CACNA1D: variants seen among roughly 807,000 people sequenced by gnomAD.
CACNA1D encodes the protein voltage-dependent L-type calcium channel subunit alpha-1D.
A neutral mutation model predicts 257.1 loss-of-function variants in CACNA1D; 55 were observed. That is an observed-to-expected ratio of 0.21 (90% confidence interval 0.17 to 0.27). CACNA1D has a LOEUF of 0.27. CACNA1D is among the 10% of genes least tolerant of loss of function. The pLI, the probability that CACNA1D is intolerant of heterozygous loss-of-function variation, is 1.00. For missense variants in CACNA1D, 1,876 were observed against 2,784.0 expected, an observed-to-expected ratio of 0.67 and a Z score of 7.34; for synonymous variants, 980 against 1,014.9, an observed-to-expected ratio of 0.97 and a Z score of 0.65.
At chr3:53,760,216 C>A (rs1310254302) in intron 29 of CACNA1D, among the ~76,000 whole-genome samples, 2 of 152,172 alleles carry the variant, frequency 1.3e-5, no homozygotes, top group East Asian at 3.9e-4. Context: ...CGTAGCTCCC[C>A]CATAAATGCA....
At chr3:53,733,090 C>T (rs1034813234) in intron 19 of CACNA1D, 128 bp downstream of exon 19, 4 of 860,882 alleles carry the variant, frequency 4.6e-6, no homozygotes, top group East Asian at 2.6e-5. Context: ...GTGTCCCTGG[C>T]GCCCTCACCC....
intron 8 of CACNA1D, among the ~76,000 whole-genome samples, chr3:53,695,401 C>T (rs765616430): frequency 3.3e-5 from 5 of 152,154 alleles, no homozygotes; most frequent in Non-Finnish European, 7.3e-5. Flanking sequence ...CTTCATATGG[C>T]AGCCCTTCAG....
chr3:53,627,079 C>A (rs1559937017), intron 3 of CACNA1D, among the ~76,000 whole-genome samples: 1 of 152,230 alleles, frequency 6.6e-6, no homozygotes, highest in East Asian at 1.9e-4. Context: ...GCTTCTCTAG[C>A]TGAAACTGGC....
chr3:53,533,931 A>G (rs973968655), intron 3 of CACNA1D, among the ~76,000 whole-genome samples: 11 of 152,222 alleles, frequency 7.2e-5, no homozygotes, highest in African/African-American at 2.7e-4. Flanking sequence ...ATAATTACAA[A>G]TATGATCGAT....
chr3:53,747,193 A>G (rs1163563012), intron 25 of CACNA1D, 109 bp from the exon 26 acceptor site: 1 of 802,506 alleles, frequency 1.2e-6, no homozygotes. Context: ...AGGCGGGCGG[A>G]CTGAGTGTGA....
intron 2 of CACNA1D, among the ~76,000 whole-genome samples, chr3:53,500,432 C>CAAAAAA (rs34272886): frequency 8.9e-6 from 1 of 112,918 alleles, no homozygotes; most frequent in Non-Finnish European, 1.9e-5. Context: ...GACCCCATCT[C>CAAAAAA]AAAAAAAAAA....
chr3:53,672,386 CTGCATTCATTTTGT>C (rs2094331217), intron 7 of CACNA1D, among the ~76,000 whole-genome samples: 1 of 152,194 alleles, frequency 6.6e-6, no homozygotes, highest in Admixed American at 6.5e-5. Context: ...ATTCATTTTG[CTGCATTCATTTTGT>C]TTGCACTCAC....
intron 36 of CACNA1D, 29 bp from the exon 37 acceptor site, chr3:53,776,831 C>T: frequency 1.2e-6 from 2 of 1,613,296 alleles, no homozygotes; most frequent in South Asian, 1.1e-5. Flanking sequence ...GGTACTGTTC[C>T]TGGACCTTAG....
chr3:53,719,369 AC>A (rs1334002514), intron 10 of CACNA1D, among the ~76,000 whole-genome samples: 2 of 151,998 alleles, frequency 1.3e-5, no homozygotes, highest in East Asian at 3.9e-4. Flanking sequence ...TCCCATACTC[AC>A]CCAGTGGGAG....
chr3:53,641,593 G>A (rs1471617383), intron 3 of CACNA1D, among the ~76,000 whole-genome samples: 3 of 152,116 alleles, frequency 2.0e-5, no homozygotes, highest in African/African-American at 4.8e-5. Flanking sequence ...TGCGGAAGTG[G>A]GAGGCTGCCA....
At chr3:53,643,087 G>C (rs949552403) in intron 3 of CACNA1D, among the ~76,000 whole-genome samples, 3 of 152,198 alleles carry the variant, frequency 2.0e-5, no homozygotes, top group African/African-American at 7.2e-5. Flanking sequence ...GGGCAACACA[G>C]CTGTCGAGAC....
chr3:53,718,026 A>G (rs570519652), intron 9 of CACNA1D, among the ~76,000 whole-genome samples: 7 of 152,262 alleles, frequency 4.6e-5, no homozygotes, highest in Admixed American at 3.3e-4. Flanking sequence ...ATTCACTTTG[A>G]TCCCTTAGCT....
Position 53,751,665 on chromosome 3 carries a change from A to G in CACNA1D, c.3517-84A>G. The stretch of plus-strand genomic sequence containing the variant: ...GCCCCTTCCCGGGAGCTGTAGGGTG[A>G]GCTCTTTCAGAGCAGATGACCACGG... On this transcript the variant is annotated intron_variant, in intron 27 of 47. Transcript: ENST00000350061. The surrounding 1 kb of genome is among the most constrained non-coding windows in gnomAD (Gnocchi z 4.3). 7.2e-7 allele frequency: 1 copy of G among 1,379,730 alleles called. No individual in the cohort carries two copies. Among genetic ancestry groups the G allele is most frequent in the South Asian group, 1.2e-5 (1 of 86,380 alleles). The allele number at this position is 1,379,730 out of a possible 1,614,324, so 85.5% of individuals were successfully genotyped here.
chr3:53,801,878 G>C (rs1333357215), intron 42 of CACNA1D, among the ~76,000 whole-genome samples: 1 of 152,160 alleles, frequency 6.6e-6, no homozygotes, highest in Non-Finnish European at 1.5e-5. Flanking sequence ...TTTCCCTATG[G>C]TCACTGAAAT....
chr3:53,700,926 A>T (rs910880362), intron 8 of CACNA1D, among the ~76,000 whole-genome samples: 1 of 147,836 alleles, frequency 6.8e-6, no homozygotes, highest in African/African-American at 2.5e-5. Context: ...TCCGTTGCCC[A>T]GGCTGGAGTG....
At chr3:53,796,348 G>A in intron 40 of CACNA1D, 1 of 456,018 alleles carries the variant, frequency 2.2e-6, no homozygotes. Context: ...AAGATGAATG[G>A]CCTGGCCCAG....
intron 23 of CACNA1D, among the ~76,000 whole-genome samples, chr3:53,745,264 G>A (rs559892855): frequency 3.3e-5 from 5 of 150,792 alleles, no homozygotes; most frequent in East Asian, 1.9e-4. Flanking sequence ...TCTTTGAAAC[G>A]GAGTCTTGCT....
intron 14 of CACNA1D, among the ~76,000 whole-genome samples, chr3:53,725,406 G>A (rs2094925967): frequency 6.6e-6 from 1 of 152,198 alleles, no homozygotes; most frequent in Non-Finnish European, 1.5e-5. Flanking sequence ...CAGGGCTCCA[G>A]TAGGTGACCC....
intron 29 of CACNA1D, among the ~76,000 whole-genome samples, chr3:53,757,429 G>A (rs1401497): frequency 0.45 from 68,984 of 151,868 alleles, 16,625 homozygotes; most frequent in East Asian, 0.81. Flanking sequence ...GTCAGTGGCC[G>A]CCTCTGTGGC....
Sources: gnomAD v4.1 joint callset for allele counts (sites outside exome capture counted in the v4.1 genomes callset) on GRCh38, gnomAD v4.1.1 for gene constraint, Gnocchi (gnomAD v3.1) non-coding constraint, MANE v1.5 for transcripts, NCBI Gene and HGNC (gene_info 2026-07-23, HGNC 2026-07-21) for gene names.